CACNA2D4: variants seen among roughly 807,000 people sequenced by gnomAD.
CACNA2D4 encodes the protein voltage-dependent calcium channel subunit alpha-2/delta-4.
A neutral mutation model predicts 163.8 loss-of-function variants in CACNA2D4; 157 were observed. The observed-to-expected ratio is 0.96, with a 90% CI of 0.84 to 1.09. The LOEUF (loss-of-function observed/expected upper bound fraction) is 1.09, where lower values mean the gene tolerates loss of function less well. Among genes scored for constraint, CACNA2D4 ranks in the 50% least tolerant of loss-of-function variants. The pLI, the probability that CACNA2D4 is intolerant of heterozygous loss-of-function variation, is 0.00. For missense variants in CACNA2D4, 1,410 were observed against 1,479.9 expected, an observed-to-expected ratio of 0.95 and a Z score of 0.78; for synonymous variants, 598 against 586.9, an observed-to-expected ratio of 1.02 and a Z score of -0.27.
chr12:1,852,531 A>T (rs1164063202), intron 23 of CACNA2D4, among the ~76,000 whole-genome samples: 1 of 152,166 alleles, frequency 6.6e-6, no homozygotes, highest in Non-Finnish European at 1.5e-5. Context: ...ATGAATGAAT[A>T]TTAATATTTA....
intron 26 of CACNA2D4, among the ~76,000 whole-genome samples, chr12:1,818,768 A>T (rs1282647651): frequency 6.9e-6 from 1 of 144,364 alleles, no homozygotes; most frequent in Non-Finnish European, 1.5e-5. Context: ...AATGATCAAT[A>T]AAAAATAAAT....
In CACNA2D4 at chr12:1,914,860, C is replaced by T. The variant is rs1434051638; in HGVS notation, c.303G>A (p.Leu101=). The T allele has an allele frequency of 6.2e-7, 1 of 1,612,914 alleles. No individual in the cohort carries two copies. The highest frequency in any genetic ancestry group is 8.5e-7 in the Non-Finnish European group (1 of 1,178,936). ...CTGGAAGGGGGTGACTGACCTTCTGCAGCAAGAGAGAGCCTGAGTATTTGG... is the reference window on the plus strand; with the variant it reads ...CTGGAAGGGGGTGACTGACCTTCTGTAGCAAGAGAGAGCCTGAGTATTTGG... The part of the protein sequence containing the change: ...TVTKYSGSLL[L]QKKYKDVESS... The change falls in exon 2 of 38, where the codon CTG becomes CTA. Residue 101 remains leucine, a synonymous_variant. Coordinates refer to ENST00000382722, the MANE Select transcript of CACNA2D4 (RefSeq NM_172364.5).
intron 6 of CACNA2D4, among the ~76,000 whole-genome samples, chr12:1,901,017 G>T (rs1234564785): frequency 6.6e-6 from 1 of 152,060 alleles, no homozygotes; most frequent in African/African-American, 2.4e-5. Flanking sequence ...GATCACAATG[G>T]AATAAAACTA....
At chr12:1,863,702 A>T (rs904698233) in intron 18 of CACNA2D4, among the ~76,000 whole-genome samples, 1 of 152,162 alleles carries the variant, frequency 6.6e-6, no homozygotes, top group African/African-American at 2.4e-5. Flanking sequence ...ACTTTAAAAT[A>T]TTTCATTTTC....
intron 27 of CACNA2D4, among the ~76,000 whole-genome samples, 162 bp from the exon 28 acceptor site, chr12:1,810,749 G>A (rs547741700): frequency 6.6e-6 from 1 of 152,198 alleles, no homozygotes; most frequent in African/African-American, 2.4e-5. Context: ...TGTGGGTGTG[G>A]GATGTGTGTG....
At chr12:1,847,638 C>G (rs761209425) in intron 23 of CACNA2D4, among the ~76,000 whole-genome samples, 1 of 152,198 alleles carries the variant, frequency 6.6e-6, no homozygotes, top group African/African-American at 2.4e-5. Context: ...TCTCTGGGGA[C>G]AGGGCCTAAG....
rs762438894 is a variant in CACNA2D4, at chr12:1,886,382, A to G, written c.843-9T>C. On this transcript the variant is annotated splice_polypyrimidine_tract_variant and intron_variant, in intron 7 of 37. Transcript: ENST00000382722. Reference sequence around the variant, plus strand: ...TAGCAGCTTGAATGTACCTGAAGGAAGAAAGGGACATGCCCAAGATGGGAA... The same window carrying G: ...TAGCAGCTTGAATGTACCTGAAGGAGGAAAGGGACATGCCCAAGATGGGAA... The G allele has an allele frequency of 3.2e-5, 51 of 1,612,374 alleles. No homozygotes were observed. The highest frequency in any genetic ancestry group is 3.4e-4 in the Middle Eastern group (2 of 5,896).
At chr12:1,893,542 T>C (rs1820136443) in intron 6 of CACNA2D4, among the ~76,000 whole-genome samples, 1 of 151,968 alleles carries the variant, frequency 6.6e-6, no homozygotes, top group African/African-American at 2.4e-5. Flanking sequence ...TAATAATAAT[T>C]GAAATCATTT....
intron 18 of CACNA2D4, among the ~76,000 whole-genome samples, chr12:1,862,117 G>A (rs902144311): frequency 6.6e-6 from 1 of 152,178 alleles, no homozygotes; most frequent in African/African-American, 2.4e-5. Flanking sequence ...ATGCTTCTAC[G>A]CTCATCGATT....
intron 27 of CACNA2D4, among the ~76,000 whole-genome samples, chr12:1,811,278 G>C (rs896547248): frequency 2.6e-5 from 4 of 152,238 alleles, no homozygotes; most frequent in Admixed American, 2.0e-4. Context: ...GACAGGACGA[G>C]GCCAGGCAGA....
chr12:1,841,511 C>T (rs2154447706), intron 25 of CACNA2D4, among the ~76,000 whole-genome samples: 1 of 152,340 alleles, frequency 6.6e-6, no homozygotes, highest in East Asian at 1.9e-4. Flanking sequence ...AGTTTCAGCT[C>T]CACATTGAAA....
chr12:1,865,707 G>C (rs1013731820), intron 18 of CACNA2D4, among the ~76,000 whole-genome samples: 3 of 152,230 alleles, frequency 2.0e-5, no homozygotes, highest in Non-Finnish European at 4.4e-5. Flanking sequence ...GATGCAGCCC[G>C]GGCGGCAGGC....
chr12:1,913,190 A>T (rs1448389935), intron 2 of CACNA2D4, 51 bp from the exon 3 acceptor site: 1 of 1,292,110 alleles, frequency 7.7e-7, no homozygotes, highest in African/African-American at 1.5e-5. Context: ...GTACCAGGAT[A>T]GTTGCACCTG....
chr12:1,903,496 C>T (rs1372035363), intron 6 of CACNA2D4, among the ~76,000 whole-genome samples: 2 of 151,508 alleles, frequency 1.3e-5, no homozygotes, highest in Admixed American at 1.3e-4. Context: ...AACCAGAATA[C>T]ATAAGAAGCT....
At chr12:1,911,126 C>T (rs1866806491) in intron 3 of CACNA2D4, among the ~76,000 whole-genome samples, 2 of 149,568 alleles carry the variant, frequency 1.3e-5, no homozygotes, top group African/African-American at 5.0e-5. Context: ...CAGGTTCAAG[C>T]GATTCTCCTG....
chr12:1,915,014 TCA>T, intron 1 of CACNA2D4, 79 bp from the exon 2 acceptor site: 1 of 1,050,084 alleles, frequency 9.5e-7, no homozygotes, highest in Non-Finnish European at 1.5e-6. Flanking sequence ...ACATATGGGT[TCA>T]CACACATAGA....
Position 1,802,890 on chromosome 12 carries a change from T to C in CACNA2D4, c.2722-1246A>G, listed in dbSNP as rs902037525. Among the ~76,000 whole-genome samples, 4 of 152,192 alleles carry C rather than the reference T, an allele frequency of 2.6e-5. No individual in the cohort carries two copies. Among genetic ancestry groups the C allele is most frequent in the African/African-American group, 9.7e-5 (4 of 41,450 alleles). ...TAGTCTCACTCTGCCTGATAAGATA[T>C]TTGGTTGAAAACTGTATGAGAACAG... is the stretch of plus-strand genomic sequence containing the variant. On this transcript the variant is annotated intron_variant, in intron 29 of 37. Coordinates refer to ENST00000382722, the MANE Select transcript of CACNA2D4 (RefSeq NM_172364.5). This position sits in a 1 kb window ranked among gnomAD's most constrained non-coding sequence, Gnocchi z 4.7.
At chr12:1,793,813 A>C in intron 37 of CACNA2D4, 54 bp from the exon 38 acceptor site, 1 of 1,455,336 alleles carries the variant, frequency 6.9e-7, no homozygotes, top group Non-Finnish European at 9.6e-7. Context: ...GACCCTCAAA[A>C]AGGGAGGGGC....
At position 1,801,125 on chromosome 12, in the gene CACNA2D4, A is replaced by T; in HGVS notation, c.2793-7T>A. The T allele has an allele frequency of 6.2e-7, 1 of 1,613,712 alleles. No homozygotes were observed. The highest frequency in any genetic ancestry group is 8.5e-7 in the Non-Finnish European group (1 of 1,179,688). On this transcript the variant is annotated splice_region_variant and splice_polypyrimidine_tract_variant and intron_variant, in intron 30 of 37. Coordinates refer to ENST00000382722, the MANE Select transcript of CACNA2D4 (RefSeq NM_172364.5). ...ATAGTCATACATAGTCACTCTGAAAATCAGAAGCGGGCTGTGATGAGTCCA... is the reference window on the plus strand; with the variant it reads ...ATAGTCATACATAGTCACTCTGAAATTCAGAAGCGGGCTGTGATGAGTCCA...
Sources: gnomAD v4.1 joint callset for allele counts (sites outside exome capture counted in the v4.1 genomes callset) on GRCh38, gnomAD v4.1.1 for gene constraint, Gnocchi (gnomAD v3.1) non-coding constraint, MANE v1.5 for transcripts, NCBI Gene and HGNC (gene_info 2026-07-23, HGNC 2026-07-21) for gene names.